Variants in KCNQ5 observed in about 807,000 individuals in gnomAD.
KCNQ5 encodes potassium voltage-gated channel subfamily Q member 5.
A neutral mutation model predicts 98.2 loss-of-function variants in KCNQ5; 30 were observed. The observed-to-expected ratio is 0.31, with a 90% CI of 0.23 to 0.41. The LOEUF is 0.41. Ranked by LOEUF, KCNQ5 falls within the 10% of genes least tolerant of loss-of-function variation. KCNQ5 has a pLI of 1.00. For synonymous variants in KCNQ5, 458 were observed against 449.4 expected, an observed-to-expected ratio of 1.02 and a Z score of -0.24; for missense variants, 835 against 1,182.5, an observed-to-expected ratio of 0.71 and a Z score of 4.31.
At chr6:73,024,914 C>G (rs116388522) in intron 2 of KCNQ5, among the ~76,000 whole-genome samples, 54 of 152,310 alleles carry the variant, frequency 3.5e-4, no homozygotes, top group African/African-American at 1.3e-3. Context: ...CCTCAATACT[C>G]AAAGATTTCA....
intron 3 of KCNQ5, among the ~76,000 whole-genome samples, chr6:73,058,693 A>G (rs1772637566): frequency 6.6e-6 from 1 of 152,228 alleles, no homozygotes; most frequent in Admixed American, 6.5e-5. Context: ...CGGAATCTGT[A>G]AGGAATTTAA....
intron 1 of KCNQ5, among the ~76,000 whole-genome samples, chr6:72,689,895 T>G (rs1768129319): frequency 6.6e-6 from 1 of 151,714 alleles, no homozygotes; most frequent in Non-Finnish European, 1.5e-5. Flanking sequence ...GTTTCGAGAG[T>G]TATTTAGTTA....
At chr6:72,830,964 A>G (rs1776236659) in intron 1 of KCNQ5, among the ~76,000 whole-genome samples, 1 of 152,362 alleles carries the variant, frequency 6.6e-6, no homozygotes, top group African/African-American at 2.4e-5. Flanking sequence ...TATGCAGCCA[A>G]CAGACACATG....
chr6:72,646,250 C>T (rs1482955414), intron 1 of KCNQ5, among the ~76,000 whole-genome samples: 1 of 151,564 alleles, frequency 6.6e-6, no homozygotes, highest in African/African-American at 2.4e-5. Context: ...TACATATACA[C>T]ATATATATAT....
At chr6:73,027,038 T>C (rs962246800) in intron 2 of KCNQ5, among the ~76,000 whole-genome samples, 3 of 152,178 alleles carry the variant, frequency 2.0e-5, no homozygotes, top group Non-Finnish European at 4.4e-5. Context: ...GTGTTTGACA[T>C]TGACCCATTG....
intron 1 of KCNQ5, among the ~76,000 whole-genome samples, chr6:72,800,199 G>A (rs1175280139): frequency 2.6e-5 from 4 of 152,144 alleles, no homozygotes; most frequent in Non-Finnish European, 5.9e-5. Context: ...GTTTCAGAAG[G>A]AATGGTACCA....
rs138145500 is a variant in KCNQ5, at chr6:72,939,249, G to A, written c.399-64659G>A. Among the ~76,000 whole-genome samples the A allele has an allele frequency of 1.4e-3, 208 of 152,240 alleles. 1 individual carries two copies. Among genetic ancestry groups the A allele is most frequent in the Non-Finnish European group, 2.2e-3 (148 of 68,018 alleles). ...AGGGACACTAGCTGGCAGGGCTCCC[G>A]GGTCATCACAAAGCAAGCAGGACAG... On this transcript the variant is annotated intron_variant, in intron 1 of 13. Coordinates refer to ENST00000370398, the MANE Select transcript of KCNQ5 (RefSeq NM_019842.4).
intron 3 of KCNQ5, chr6:73,043,155 T>C (rs1372420996): frequency 2.2e-6 from 1 of 455,304 alleles, no homozygotes; most frequent in African/African-American, 2.0e-5. Flanking sequence ...AGGAAGAAAG[T>C]GTATCACCAT....
chr6:72,687,835 C>CTTT (rs531246586), intron 1 of KCNQ5, among the ~76,000 whole-genome samples: 2 of 135,968 alleles, frequency 1.5e-5, no homozygotes, highest in African/African-American at 2.8e-5. Flanking sequence ...TTATTGATCC[C>CTTT]TTTTTTTTTT....
At chr6:73,115,991 A>G (rs1324550937) in intron 7 of KCNQ5, among the ~76,000 whole-genome samples, 2 of 152,260 alleles carry the variant, frequency 1.3e-5, no homozygotes, top group East Asian at 1.9e-4. Context: ...TGGAGTTCTC[A>G]GATTTCATGA....
At chr6:72,762,456 A>T (rs879708731) in intron 1 of KCNQ5, among the ~76,000 whole-genome samples, 3 of 152,086 alleles carry the variant, frequency 2.0e-5, no homozygotes, top group Admixed American at 6.6e-5. Context: ...TAGATCTTAC[A>T]CACTTTTTGA....
intron 1 of KCNQ5, among the ~76,000 whole-genome samples, chr6:72,793,436 G>A (rs1219857718): frequency 6.6e-6 from 1 of 152,136 alleles, no homozygotes; most frequent in Non-Finnish European, 1.5e-5. Flanking sequence ...CTGCATTTAG[G>A]TGCCACCATC....
intron 3 of KCNQ5, among the ~76,000 whole-genome samples, chr6:73,075,337 C>A (rs1290307453): frequency 6.6e-6 from 1 of 151,738 alleles, no homozygotes; most frequent in Non-Finnish European, 1.5e-5. Context: ...ATTCTCATGC[C>A]TCAGCCTTCC....
chr6:73,118,390 A>G (rs1173115877), intron 7 of KCNQ5, among the ~76,000 whole-genome samples: 1 of 152,066 alleles, frequency 6.6e-6, no homozygotes, highest in African/African-American at 2.4e-5. Context: ...GGTGTCACAA[A>G]TTTTCTGTTT....
At chr6:72,945,706 C>T (rs977287361) in intron 1 of KCNQ5, among the ~76,000 whole-genome samples, 7 of 152,142 alleles carry the variant, frequency 4.6e-5, no homozygotes, top group African/African-American at 1.2e-4. Context: ...CTGCCTGCCT[C>T]GGCCTCCCAA....
chr6:73,020,783 G>A (rs1332082879), intron 2 of KCNQ5, among the ~76,000 whole-genome samples: 2 of 151,934 alleles, frequency 1.3e-5, no homozygotes, highest in African/African-American at 4.8e-5. Context: ...TGTATGCCAG[G>A]AAACAAGGAG....
At chr6:73,009,959 A>G (rs1283711352) in intron 2 of KCNQ5, among the ~76,000 whole-genome samples, 1 of 152,198 alleles carries the variant, frequency 6.6e-6, no homozygotes, top group Non-Finnish European at 1.5e-5. Context: ...TAAAGAACTA[A>G]TATCAATCCT....
chr6:72,832,924 T>C (rs1355909972), intron 1 of KCNQ5, among the ~76,000 whole-genome samples: 1 of 152,188 alleles, frequency 6.6e-6, no homozygotes. Flanking sequence ...CATACCCATG[T>C]ACTTGAGCAG....
intron 8 of KCNQ5, among the ~76,000 whole-genome samples, chr6:73,121,294 A>G (rs1015524901): frequency 9.9e-5 from 15 of 152,070 alleles, no homozygotes; most frequent in Admixed American, 1.3e-4. Flanking sequence ...AGAACCAAGG[A>G]CATTATGGAC....
Sources: allele counts gnomAD v4.1 joint callset (sites outside exome capture counted in the v4.1 genomes callset), GRCh38; gene constraint gnomAD v4.1.1; transcripts MANE v1.5; gene names NCBI Gene and HGNC (gene_info 2026-07-23, HGNC 2026-07-21).